The following JAM3 variants were observed in gnomAD, a reference collection of about 807,000 sequenced individuals.
The protein encoded by JAM3 is junctional adhesion molecule 3.
In JAM3, 31 loss-of-function variants were observed where a neutral mutation model predicts 39.4. The observed-to-expected ratio is 0.79, with a 90% confidence interval of 0.59 to 1.06. The LOEUF is 1.06. Ranked by LOEUF, JAM3 falls within the 50% of genes least tolerant of loss-of-function variation. The pLI is 0.00. For synonymous variants in JAM3, 182 were observed against 148.7 expected (o/e 1.22, Z -1.63); for missense variants, 455 against 391.4 (o/e 1.16, Z -1.37).
At chr11:134,128,827 A>G (rs893699679) in intron 1 of JAM3, among the ~76,000 whole-genome samples, 2 of 152,236 alleles carry the variant, frequency 1.3e-5, no homozygotes, top group African/African-American at 4.8e-5. Flanking sequence ...ATGGACTAAT[A>G]TATTGGAAAA....
chr11:134,118,657 CCTT>C (rs1268072436), intron 1 of JAM3, among the ~76,000 whole-genome samples: 14 of 152,158 alleles, frequency 9.2e-5, no homozygotes, highest in Non-Finnish European at 1.3e-4. Flanking sequence ...TGCCACCACT[CCTT>C]CTTTGATATT....
chr11:134,147,684 CACCA>C (rs1418898736), intron 6 of JAM3: 12 of 150,538 alleles, frequency 8.0e-5, no homozygotes, highest in African/African-American at 2.7e-4. Flanking sequence ...GACGGGGTTT[CACCA>C]CCTTAGCCAG....
chr11:134,076,900 T>G (rs535768530), intron 1 of JAM3, among the ~76,000 whole-genome samples: 43 of 149,994 alleles, frequency 2.9e-4, no homozygotes, highest in African/African-American at 1.1e-3. Context: ...AGTGGTGCGA[T>G]CTCGGCTCAC....
chr11:134,069,196 T>C (rs2120544622), intron 1 of JAM3, 37 bp downstream of exon 1: 1 of 1,605,900 alleles, frequency 6.2e-7, no homozygotes, highest in East Asian at 2.2e-5. Context: ...GAGACTAGGG[T>C]CTGGGGGCGA....
At chr11:134,146,146 G>A (rs1363218627) in intron 6 of JAM3, 101 bp downstream of exon 6, 2 of 859,442 alleles carry the variant, frequency 2.3e-6, no homozygotes. Context: ...CTTCCGCCAT[G>A]GGTTAGCTTT....
chr11:134,084,829 G>A (rs1018024413), intron 1 of JAM3, among the ~76,000 whole-genome samples: 2 of 152,236 alleles, frequency 1.3e-5, no homozygotes, highest in Non-Finnish European at 2.9e-5. Flanking sequence ...GGTCAGTTAA[G>A]ATGGTTCTCT....
intron 1 of JAM3, among the ~76,000 whole-genome samples, chr11:134,131,517 A>G (rs2120819600): frequency 6.6e-6 from 1 of 152,322 alleles, no homozygotes; most frequent in South Asian, 2.1e-4. Context: ...AGCATCAACA[A>G]CAACAACAAA....
rs1387168903 is a variant in JAM3 at position 134,148,595 on chromosome 11, C to T, written c.761C>T (p.Ala254Val). ...ATTGGGGGGGTTCTGGTTGTCCTTGCTGTACTGGCCCTGATCACGTTGGGC... is the reference window on the plus strand; with the variant it reads ...ATTGGGGGGGTTCTGGTTGTCCTTGTTGTACTGGCCCTGATCACGTTGGGC... ...GIIGGVLVVL[A>V]VLALITLGIC... Residue 254 changes from alanine to valine, a missense_variant, in exon 7 of 9, where the codon GCT becomes GTT. Ala to Val is a moderately conservative substitution (Grantham distance 64). Transcript: ENST00000299106. 2 of 1,614,050 alleles carry T rather than the reference C, an allele frequency of 1.2e-6. No homozygotes were observed. Among genetic ancestry groups the T allele is most frequent in the African/African-American group, 1.3e-5 (1 of 74,918 alleles).
In JAM3 at chr11:134,144,937, A is replaced by G. The variant is rs1466574675; in HGVS notation, c.555A>G (p.Arg185=). ...ATGTACCACTGCCCACGGATTCCAGAGCCAATCCCAGATTTCGCAATTCTT... is the reference window on the plus strand; with the variant it reads ...ATGTACCACTGCCCACGGATTCCAGGGCCAATCCCAGATTTCGCAATTCTT... ...RNDVPLPTDS[R]ANPRFRNSSF... Residue 185 remains arginine, a synonymous_variant, in exon 5 of 9, where the codon AGA becomes AGG. Transcript: ENST00000299106. 1.2e-6 allele frequency: 2 copies of G among 1,614,226 alleles called. No homozygotes were observed. Among genetic ancestry groups the G allele is most frequent in the Non-Finnish European group, 1.7e-6 (2 of 1,180,034 alleles).
intron 1 of JAM3, among the ~76,000 whole-genome samples, chr11:134,130,768 A>G (rs748068898): frequency 6.6e-6 from 1 of 152,190 alleles, no homozygotes; most frequent in Admixed American, 6.5e-5. Flanking sequence ...AACCGGAGGG[A>G]ACAGAGCAGA....
In JAM3 at chr11:134,151,421, CCTT is replaced by C. The variant is rs1943230800; in HGVS notation, c.*2244_*2246del. ...GCGTTGGGGATTCACGCTCCAGCCT[CCTT>C]CTTGGTTGTCATAGTGATAGGGTAG... On this transcript the variant is annotated 3_prime_UTR_variant, in exon 9 of 9. Transcript: ENST00000299106. 1.3e-5 allele frequency: 2 copies of C among 152,144 alleles called. No individual in the cohort carries two copies. Among genetic ancestry groups the C allele is most frequent in the South Asian group, 2.1e-4 (1 of 4,822 alleles). 9.4% of individuals were successfully genotyped at this position (152,144 alleles called of 1,614,324 possible). A position where few individuals can be genotyped will look rare whatever the true frequency, so the allele number is the denominator to read the frequency against.
chr11:134,076,315 T>A (rs968281260), intron 1 of JAM3, among the ~76,000 whole-genome samples: 1 of 151,790 alleles, frequency 6.6e-6, no homozygotes, highest in Non-Finnish European at 1.5e-5. Flanking sequence ...CCACCACGCC[T>A]GGCTAATTTT....
intron 1 of JAM3, among the ~76,000 whole-genome samples, chr11:134,138,649 G>C (rs1942917697): frequency 6.6e-6 from 1 of 152,232 alleles, no homozygotes. Context: ...TGTATTTCTG[G>C]CTCCCAGAGG....
intron 1 of JAM3, among the ~76,000 whole-genome samples, chr11:134,098,923 G>T (rs202213431): frequency 6.6e-6 from 1 of 152,158 alleles, no homozygotes; most frequent in Non-Finnish European, 1.5e-5. Context: ...CTAGGGAGAG[G>T]CGTGGTGGCT....
rs181586258 is a variant in JAM3, at chr11:134,098,307, G to A, written c.76+29148G>A. The stretch of plus-strand genomic sequence containing the variant: ...TTCAGAGAGGAAAACTAAGAGCAAT[G>A]CCAAATTAACTGAAATCTTCTGTTT... On this transcript the variant is annotated intron_variant, in intron 1 of 8. Transcript: ENST00000299106. Among the ~76,000 whole-genome samples, 112 of 152,236 alleles carry A rather than the reference G, an allele frequency of 7.4e-4. 1 individual carries two copies. In the East Asian group the frequency reaches 0.018, roughly 25 times the overall value.
chr11:134,115,999 T>C (rs866324284), intron 1 of JAM3, among the ~76,000 whole-genome samples: 9 of 152,182 alleles, frequency 5.9e-5, no homozygotes, highest in African/African-American at 2.2e-4. Flanking sequence ...GACATGTTGC[T>C]GGTATTGCTA....
chr11:134,146,784 C>G (rs910719625), intron 6 of JAM3, among the ~76,000 whole-genome samples: 1 of 152,166 alleles, frequency 6.6e-6, no homozygotes, highest in African/African-American at 2.4e-5. Context: ...AGGCTGGTCT[C>G]AAACTCCTGG....
intron 1 of JAM3, among the ~76,000 whole-genome samples, chr11:134,092,592 T>G (rs1267275525): frequency 3.4e-5 from 5 of 148,512 alleles, no homozygotes; most frequent in East Asian, 4.1e-4. Flanking sequence ...TGAGGGAAGC[T>G]TCTCCTGAAC....
At chr11:134,123,612 C>T (rs1942580613) in intron 1 of JAM3, among the ~76,000 whole-genome samples, 1 of 152,168 alleles carries the variant, frequency 6.6e-6, no homozygotes, top group South Asian at 2.1e-4. Context: ...GAATTAATTC[C>T]TTTTCTCTTT....
Sources: gnomAD v4.1 joint callset for allele counts (sites outside exome capture counted in the v4.1 genomes callset) on GRCh38, gnomAD v4.1.1 for gene constraint, MANE v1.5 for transcripts, NCBI Gene and HGNC (gene_info 2026-07-23, HGNC 2026-07-21) for gene names.